Variants in NRXN1 observed in about 807,000 individuals in gnomAD.
NRXN1 encodes the protein neurexin 1, also known as neurexin-1.
Under a neutral mutation model 150.9 loss-of-function variants are expected in NRXN1, and 39 were observed. The ratio of observed to expected loss-of-function variants is 0.26; its 90% confidence interval spans 0.20 to 0.34. NRXN1 has a LOEUF of 0.34. NRXN1 is among the 10% of genes least tolerant of loss of function. The pLI is 1.00. For synonymous variants in NRXN1, 924 were observed against 757.0 expected, an observed-to-expected ratio of 1.22 and a Z score of -3.62; for missense variants, 1,815 against 1,949.9, an observed-to-expected ratio of 0.93 and a Z score of 1.30.
intron 15 of NRXN1, among the ~76,000 whole-genome samples, chr2:50,494,316 A>C (rs1243931576): frequency 6.6e-6 from 1 of 152,148 alleles, no homozygotes; most frequent in Non-Finnish European, 1.5e-5. Context: ...TCACCTACAC[A>C]AACAGGGCAC....
intron 2 of NRXN1, among the ~76,000 whole-genome samples, chr2:50,986,892 T>C (rs1697810196): frequency 6.6e-6 from 1 of 151,848 alleles, no homozygotes; most frequent in Non-Finnish European, 1.5e-5. Flanking sequence ...TGCGTAAATG[T>C]ACAGAAAGTA....
At chr2:50,763,226 T>C (rs1189527368) in intron 5 of NRXN1, among the ~76,000 whole-genome samples, 1 of 152,002 alleles carries the variant, frequency 6.6e-6, no homozygotes, top group Non-Finnish European at 1.5e-5. Flanking sequence ...ATTAGTCCCA[T>C]TTGATTATAT....
intron 22 of NRXN1, among the ~76,000 whole-genome samples, chr2:49,931,718 G>T (rs993432391): frequency 6.6e-6 from 1 of 151,986 alleles, no homozygotes; most frequent in Admixed American, 6.6e-5. Flanking sequence ...TCCTCAAAAT[G>T]TATTACATTC....
intron 18 of NRXN1, among the ~76,000 whole-genome samples, chr2:50,236,411 T>C (rs965957258): frequency 6.6e-6 from 1 of 152,040 alleles, no homozygotes; most frequent in Non-Finnish European, 1.5e-5. Flanking sequence ...TCCAGATCTT[T>C]GGATGTCACC....
intron 8 of NRXN1, among the ~76,000 whole-genome samples, chr2:50,574,856 CAG>C (rs1159778479): frequency 1.3e-5 from 2 of 152,180 alleles, no homozygotes; most frequent in African/African-American, 4.8e-5. Context: ...CCATTTGAAT[CAG>C]GGGATTCTTG....
chr2:49,989,868 T>C (rs1440425301), intron 21 of NRXN1, among the ~76,000 whole-genome samples: 3 of 152,254 alleles, frequency 2.0e-5, no homozygotes, highest in Admixed American at 2.0e-4. Flanking sequence ...TGTTTTTTAA[T>C]GAAAAAATGA....
chr2:49,925,097 T>A (rs1366780311), intron 22 of NRXN1, among the ~76,000 whole-genome samples: 2 of 151,892 alleles, frequency 1.3e-5, no homozygotes, highest in Admixed American at 1.3e-4. Context: ...GCAGACCATT[T>A]TGGCCAACAT....
chr2:50,191,073 G>A (rs1480883182), intron 18 of NRXN1, among the ~76,000 whole-genome samples: 1 of 152,090 alleles, frequency 6.6e-6, no homozygotes, highest in Non-Finnish European at 1.5e-5. Flanking sequence ...CTGTGGCCCA[G>A]GCTGGAGTGC....
intron 18 of NRXN1, among the ~76,000 whole-genome samples, chr2:50,104,412 C>T (rs569336938): frequency 6.6e-6 from 1 of 152,098 alleles, no homozygotes; most frequent in South Asian, 2.1e-4. Flanking sequence ...GGTAAAAATG[C>T]ACTGAGAGAT....
intron 5 of NRXN1, among the ~76,000 whole-genome samples, chr2:50,761,347 G>C (rs935823006): frequency 6.6e-6 from 1 of 151,762 alleles, no homozygotes; most frequent in South Asian, 2.1e-4. Flanking sequence ...TGAATCATGG[G>C]GGCGAGTTTT....
rs140307848 is a variant in NRXN1, at chr2:50,416,220, T to G, written c.3364+49222A>C. Among the ~76,000 whole-genome samples the G allele has an allele frequency of 3.8e-3, 578 of 152,130 alleles. 13 individuals are homozygous for G. The highest frequency in any genetic ancestry group is 0.027 in the Admixed American group (410 of 15,258). On this transcript the variant is annotated intron_variant, in intron 17 of 22. Transcript: ENST00000401669. The stretch of plus-strand genomic sequence containing the variant: ...AGCAATAAAGAGAGAGAATTGGAAG[T>G]GGTGGAAGTGATTGTAAATGTTAAT...
intron 2 of NRXN1, among the ~76,000 whole-genome samples, chr2:51,021,036 C>T (rs1669520994): frequency 6.6e-6 from 1 of 151,770 alleles, no homozygotes; most frequent in Admixed American, 6.6e-5. Context: ...GTAAATTTAC[C>T]TATTCCTATA....
At chr2:50,828,670 T>G (rs1448551573) in intron 5 of NRXN1, among the ~76,000 whole-genome samples, 1 of 149,280 alleles carries the variant, frequency 6.7e-6, no homozygotes, top group Non-Finnish European at 1.5e-5. Context: ...CTAGATGGGA[T>G]GGCGGCCGGG....
At chr2:50,652,926 G>A (rs1188465071) in intron 5 of NRXN1, among the ~76,000 whole-genome samples, 1 of 151,960 alleles carries the variant, frequency 6.6e-6, no homozygotes, top group African/African-American at 2.4e-5. Flanking sequence ...TTTCCCTATT[G>A]GCTAATGATG....
At chr2:50,756,680 C>T (rs532433933) in intron 5 of NRXN1, among the ~76,000 whole-genome samples, 42 of 151,732 alleles carry the variant, frequency 2.8e-4, no homozygotes, top group Middle Eastern at 6.8e-3. Flanking sequence ...TATTTACATA[C>T]GGAATAGGTG....
rs1005483225 is a variant in NRXN1, at chr2:50,734,847, T to C, written c.833-111232A>G. ...TCAGTACTAAATTATTGCAAATAAA[T>C]AAATCCAGAGAATGTAAAATGAAAT... On this transcript the variant is annotated intron_variant, in intron 5 of 22. Transcript: ENST00000401669. Among the ~76,000 whole-genome samples the C allele has an allele frequency of 6.8e-4, 104 of 152,114 alleles. 1 individual carries two copies. The highest frequency in any genetic ancestry group is 7.1e-4 in the Non-Finnish European group (48 of 68,006).
At position 51,027,865 on chromosome 2, in the gene NRXN1, A is replaced by G. The variant is rs1182918640; in HGVS notation, c.409T>C (p.Trp137Arg). The change falls in exon 2 of 23, where the codon TGG becomes CGG. Residue 137 changes from tryptophan (W) to arginine (R), a missense_variant. Trp to Arg is a moderately radical substitution (Grantham distance 101). Coordinates refer to ENST00000401669, the MANE Select transcript of NRXN1 (RefSeq NM_001330078.2). ...CTGCGCTTGGACTTGACCTCCACCCACTTGGCCTCCACCTGGTCGATGAAG... is the reference window on the plus strand; with the variant it reads ...CTGCGCTTGGACTTGACCTCCACCCGCTTGGCCTCCACCTGGTCGATGAAG... ...TLFIDQVEAK[W>R]VEVKSKRRDM... The G allele has an allele frequency of 6.2e-7, 1 of 1,612,706 alleles. No homozygotes were observed. Among genetic ancestry groups the G allele is most frequent in the Non-Finnish European group, 8.5e-7 (1 of 1,179,682 alleles).
intron 2 of NRXN1, among the ~76,000 whole-genome samples, chr2:50,961,063 C>T (rs770693159): frequency 1.5e-4 from 23 of 151,780 alleles, no homozygotes; most frequent in Non-Finnish European, 3.4e-4. Flanking sequence ...TTTGCCTACT[C>T]TCTATTTACA....
chr2:50,427,071 G>A (rs2084553780), intron 17 of NRXN1, among the ~76,000 whole-genome samples: 1 of 152,120 alleles, frequency 6.6e-6, no homozygotes, highest in African/African-American at 2.4e-5. Flanking sequence ...TTCCAGTGAT[G>A]TCTCACAAAC....
Sources: allele counts gnomAD v4.1 joint callset (sites outside exome capture counted in the v4.1 genomes callset), GRCh38; gene constraint gnomAD v4.1.1; transcripts MANE v1.5; gene names NCBI Gene and HGNC (gene_info 2026-07-23, HGNC 2026-07-21).